The following SAMD12 variants were observed in gnomAD, a reference collection of about 807,000 sequenced individuals.
SAMD12 encodes the protein sterile alpha motif domain containing 12.
A neutral mutation model predicts 15.0 loss-of-function variants in SAMD12; 9 were observed. The ratio of observed to expected loss-of-function variants is 0.60; its 90% CI spans 0.36 to 1.05. The LOEUF (loss-of-function observed/expected upper bound fraction) is 1.05, where lower values mean the gene tolerates loss of function less well. Among genes scored for constraint, SAMD12 ranks in the 50% least tolerant of loss-of-function variants. The pLI is 0.01. For synonymous variants in SAMD12, 86 were observed against 90.1 expected (o/e 0.96, Z 0.25); for missense variants, 230 against 234.2 (o/e 0.98, Z 0.12).
At chr8:118,456,168 G>A (rs1049747486) in intron 2 of SAMD12, among the ~76,000 whole-genome samples, 4 of 152,176 alleles carry the variant, frequency 2.6e-5, no homozygotes, top group Admixed American at 2.0e-4. Context: ...AAGAATAAGA[G>A]AGTCCTGTTC....
At chr8:118,195,700 G>A (rs1819538749) in exon 5 of SAMD12, 1 of 152,372 alleles carries the variant, frequency 6.6e-6, no homozygotes, top group Admixed American at 6.5e-5. Context: ...GATAATGTTG[G>A]GGAGGAGGAG....
the SAMD12 span, among the ~76,000 whole-genome samples, chr8:118,153,704 G>A: frequency 1.3e-5 from 2 of 152,100 alleles, no homozygotes; most frequent in African/African-American, 4.8e-5. Flanking sequence ...GAGATGACCA[G>A]AGGCTACACC....
At chr8:118,294,461 T>C (rs1814600221) in intron 4 of SAMD12, among the ~76,000 whole-genome samples, 1 of 152,154 alleles carries the variant, frequency 6.6e-6, no homozygotes, top group African/African-American at 2.4e-5. Flanking sequence ...GGGTTGGGAG[T>C]GCTTCACGTG....
downstream of SAMD12, among the ~76,000 whole-genome samples, chr8:118,374,849 T>C (rs931258892): frequency 6.6e-5 from 10 of 152,094 alleles, no homozygotes; most frequent in African/African-American, 1.9e-4. Flanking sequence ...TGTGTTGAGT[T>C]ATAGACGTTT....
intron 4 of SAMD12, among the ~76,000 whole-genome samples, chr8:118,230,321 C>T (rs1430215709): frequency 1.3e-5 from 2 of 152,106 alleles, no homozygotes; most frequent in Non-Finnish European, 2.9e-5. Flanking sequence ...GATATTGAAG[C>T]GGGATTCTAT....
intron 1 of SAMD12, among the ~76,000 whole-genome samples, chr8:118,609,692 C>T (rs1258112041): frequency 1.3e-5 from 2 of 152,226 alleles, no homozygotes; most frequent in African/African-American, 4.8e-5. Context: ...CCTATTATTA[C>T]ATTACTTCAG....
chr8:118,524,558 T>C (rs1214226053), intron 2 of SAMD12, among the ~76,000 whole-genome samples: 1 of 152,164 alleles, frequency 6.6e-6, no homozygotes, highest in Admixed American at 6.6e-5. Flanking sequence ...CCAGTGCCAA[T>C]GCCTGCCAAA....
downstream of SAMD12, chr8:118,189,352 G>A (rs1486911034): frequency 6.6e-6 from 1 of 152,148 alleles, no homozygotes; most frequent in African/African-American, 2.4e-5. Flanking sequence ...GTGAAATGCT[G>A]TTAACTTTTC....
intron 4 of SAMD12, among the ~76,000 whole-genome samples, chr8:118,238,575 T>C (rs1812487003): frequency 6.6e-6 from 1 of 152,158 alleles, no homozygotes; most frequent in African/African-American, 2.4e-5. Context: ...ACTCAGCTGT[T>C]GGAATGAGTA....
intron 4 of SAMD12, among the ~76,000 whole-genome samples, chr8:118,348,605 A>C (rs554380102): frequency 1.3e-4 from 19 of 151,746 alleles, no homozygotes; most frequent in Non-Finnish European, 2.1e-4. Context: ...ATCTCCTGAC[A>C]TCGTGATCTG....
chr8:118,160,991 T>C, the SAMD12 span, among the ~76,000 whole-genome samples: 3 of 152,116 alleles, frequency 2.0e-5, no homozygotes, highest in Non-Finnish European at 4.4e-5. Context: ...CCCCTTCCTG[T>C]GCCCATGTGT....
intron 2 of SAMD12, among the ~76,000 whole-genome samples, chr8:118,464,656 T>TC (rs751681491): frequency 6.6e-6 from 1 of 152,186 alleles, no homozygotes; most frequent in Non-Finnish European, 1.5e-5. Context: ...TATTATTTGG[T>TC]TTATTTTGAG....
chr8:118,419,975 C>T (rs899810190), intron 3 of SAMD12, among the ~76,000 whole-genome samples: 1 of 152,186 alleles, frequency 6.6e-6, no homozygotes, highest in Non-Finnish European at 1.5e-5. Context: ...GCAAGCTTCT[C>T]TTTTGGAAGA....
chr8:118,496,479 C>T (rs755233586), intron 2 of SAMD12, among the ~76,000 whole-genome samples: 6 of 152,100 alleles, frequency 3.9e-5, no homozygotes, highest in Admixed American at 6.6e-5. Flanking sequence ...GAAAGGACTC[C>T]CTATTCAATA....
At chr8:118,508,320 T>C (rs1025596658) in intron 2 of SAMD12, among the ~76,000 whole-genome samples, 1 of 152,096 alleles carries the variant, frequency 6.6e-6, no homozygotes, top group African/African-American at 2.4e-5. Context: ...ACATGGCACA[T>C]GTATACATAT....
At chr8:118,361,319 C>T (rs573612611) in intron 4 of SAMD12, among the ~76,000 whole-genome samples, 1 of 152,284 alleles carries the variant, frequency 6.6e-6, no homozygotes, top group Admixed American at 6.5e-5. Flanking sequence ...CTGTAAGCTC[C>T]ATAAAAGCAT....
At chr8:118,163,114 A>G in the SAMD12 span, among the ~76,000 whole-genome samples, 1 of 152,126 alleles carries the variant, frequency 6.6e-6, no homozygotes, top group Non-Finnish European at 1.5e-5. Flanking sequence ...CATGGTCAAT[A>G]AAAGTAGTTT....
intron 3 of SAMD12, among the ~76,000 whole-genome samples, chr8:118,394,157 C>T (rs1820433113): frequency 6.6e-6 from 1 of 152,198 alleles, no homozygotes; most frequent in Admixed American, 6.5e-5. Context: ...ACAATATGCT[C>T]ATCAAGCTTG....
At chr8:118,391,817 G>C (rs2130756224) in intron 3 of SAMD12, among the ~76,000 whole-genome samples, 2 of 152,094 alleles carry the variant, frequency 1.3e-5, no homozygotes, top group Middle Eastern at 6.8e-3. Flanking sequence ...TGCCTTCATG[G>C]AGCTTAAAAA....
Sources: allele counts gnomAD v4.1 joint callset (sites outside exome capture counted in the v4.1 genomes callset), GRCh38; gene constraint gnomAD v4.1.1; transcripts MANE v1.5; gene names NCBI Gene and HGNC (gene_info 2026-07-23, HGNC 2026-07-21).